PTPRM: variants seen among roughly 807,000 people sequenced by gnomAD.
PTPRM encodes the protein protein tyrosine phosphatase receptor type M.
A neutral mutation model predicts 186.7 loss-of-function variants in PTPRM; 47 were observed. The ratio of observed to expected loss-of-function variants is 0.25; its 90% confidence interval spans 0.20 to 0.32. The LOEUF (loss-of-function observed/expected upper bound fraction) is 0.32. Among genes scored for constraint, PTPRM ranks in the 10% least tolerant of loss-of-function variants. The probability of loss-of-function intolerance (pLI) is 1.00; values close to 1 mark genes in which losing one functional copy is unlikely to be tolerated. For synonymous variants in PTPRM, 668 were observed against 674.9 expected (o/e 0.99, Z 0.16); for missense variants, 1,494 against 1,865.0 (o/e 0.80, Z 3.66).
chr18:7,606,030 T>G (rs2037523602), intron 1 of PTPRM, among the ~76,000 whole-genome samples: 1 of 152,074 alleles, frequency 6.6e-6, no homozygotes. Context: ...AAGCAGCCAC[T>G]CCCTTTACTG....
At chr18:7,870,998 C>A (rs1317673091) in intron 2 of PTPRM, among the ~76,000 whole-genome samples, 1 of 152,156 alleles carries the variant, frequency 6.6e-6, no homozygotes, top group African/African-American at 2.4e-5. Flanking sequence ...CTTAAGGCAG[C>A]AATGCAGCTC....
rs1257367168 is a variant in PTPRM at position 8,126,012 on chromosome 18, TATATATATATATA to T, written c.2167+11186_2167+11198del. ...ATATATATATATATATATATATATA[TATATATATATATA>T]TATTTTAAATCAGTAGACCTTTCCA... On this transcript the variant is annotated intron_variant, in intron 13 of 32. Coordinates refer to ENST00000580170, the MANE Select transcript of PTPRM (RefSeq NM_001105244.2). Among the ~76,000 whole-genome samples the T allele has an allele frequency of 1.4e-3, 35 of 25,104 alleles. 3 individuals are homozygous for T. The highest frequency in any genetic ancestry group is 5.5e-3 in the South Asian group (4 of 726). The allele number at this position is 25,104 out of a possible 152,430, so 16.5% of individuals were successfully genotyped here.
chr18:8,298,129 A>C (rs886122200), intron 20 of PTPRM, among the ~76,000 whole-genome samples: 1 of 152,180 alleles, frequency 6.6e-6, no homozygotes, highest in African/African-American at 2.4e-5. Flanking sequence ...CCTGGTACAC[A>C]GTGTTCTAGA....
At chr18:8,066,165 A>G (rs555952096) in intron 7 of PTPRM, among the ~76,000 whole-genome samples, 1 of 152,360 alleles carries the variant, frequency 6.6e-6, no homozygotes, top group South Asian at 2.1e-4. Flanking sequence ...ACAAAGAAGC[A>G]TTGAAATCAG....
chr18:7,626,173 C>G (rs2038057433), intron 1 of PTPRM, among the ~76,000 whole-genome samples: 1 of 152,226 alleles, frequency 6.6e-6, no homozygotes, highest in African/African-American at 2.4e-5. Flanking sequence ...CTAAATTCTC[C>G]AAAGCAGGAC....
chr18:8,273,109 T>G (rs1376497329), intron 19 of PTPRM, among the ~76,000 whole-genome samples: 2 of 152,180 alleles, frequency 1.3e-5, no homozygotes, highest in Non-Finnish European at 2.9e-5. Flanking sequence ...ATAGCTAGAT[T>G]TTAGTATTTC....
Position 7,828,360 on chromosome 18 carries a change from T to C in PTPRM, c.196+54089T>C, listed in dbSNP as rs561312305. 2.5e-3 allele frequency among the ~76,000 whole-genome samples: 378 copies of C among 152,178 alleles called. 1 individual carries two copies. Among genetic ancestry groups the C allele is most frequent in the African/African-American group, 8.7e-3 (361 of 41,508 alleles). On this transcript the variant is annotated intron_variant, in intron 2 of 32. Transcript: ENST00000580170. The stretch of plus-strand genomic sequence containing the variant: ...ATGTTGGTGTGCTGCACCCATTAAC[T>C]CGTCATTTAACATTAGGTATGTCTC...
Position 8,387,154 on chromosome 18 carries a change from C to T in PTPRM, c.4127C>T (p.Ser1376Phe). The T allele has an allele frequency of 6.2e-7, 1 of 1,613,168 alleles. No homozygotes were observed. The highest frequency in any genetic ancestry group is 8.5e-7 in the Non-Finnish European group (1 of 1,179,106). Residue 1376 changes from serine to phenylalanine, a missense_variant, in exon 31 of 33, where the codon TCC becomes TTC. By Grantham distance (155) the Ser-to-Phe change is radical (BLOSUM62 -2). Around this residue, in one of 3 missense-constraint regions of PTPRM, gnomAD observed 1,107 missense variants for 1,350.2 expected, o/e 0.82. Transcript: ENST00000580170. The stretch of plus-strand genomic sequence containing the variant: ...AGGGACACACCAGTGTCTAAGCGCT[C>T]CTTCTTGAAGCTCATTCGCCAGGTG... ...MYRDTPVSKR[S>F]FLKLIRQVDK...
At chr18:7,682,427 A>C (rs2039500284) in intron 1 of PTPRM, among the ~76,000 whole-genome samples, 1 of 152,212 alleles carries the variant, frequency 6.6e-6, no homozygotes, top group Non-Finnish European at 1.5e-5. Flanking sequence ...AAAAGAATAA[A>C]GAAGAAAGCC....
chr18:7,688,245 G>T (rs2039653800), intron 1 of PTPRM, among the ~76,000 whole-genome samples: 1 of 152,114 alleles, frequency 6.6e-6, no homozygotes, highest in South Asian at 2.1e-4. Flanking sequence ...CGGAAATGGG[G>T]AGCAGGATTT....
At chr18:8,364,075 T>G (rs748720419) in intron 23 of PTPRM, among the ~76,000 whole-genome samples, 1 of 152,208 alleles carries the variant, frequency 6.6e-6, no homozygotes, top group Non-Finnish European at 1.5e-5. Context: ...TATCCAGACT[T>G]CCAGAAGCTC....
chr18:8,015,317 T>A (rs1448003557), intron 7 of PTPRM, among the ~76,000 whole-genome samples: 2 of 152,266 alleles, frequency 1.3e-5, no homozygotes, highest in African/African-American at 2.4e-5. Context: ...TAAATAAATA[T>A]AATATTTCTC....
chr18:8,315,990 G>A (rs2095306498), intron 21 of PTPRM, among the ~76,000 whole-genome samples: 1 of 152,060 alleles, frequency 6.6e-6, no homozygotes, highest in African/African-American at 2.4e-5. Flanking sequence ...TTCTTCATAA[G>A]GTGCATTGCA....
intron 20 of PTPRM, among the ~76,000 whole-genome samples, chr18:8,303,404 A>G (rs2147940919): frequency 6.6e-6 from 1 of 152,234 alleles, no homozygotes; most frequent in South Asian, 2.1e-4. Context: ...CTCACATTGA[A>G]GGCTTCACTT....
chr18:7,774,358 G>A (rs1166911286), intron 2 of PTPRM, 87 bp downstream of exon 2: 2 of 1,501,726 alleles, frequency 1.3e-6, no homozygotes, highest in Non-Finnish European at 1.8e-6. Flanking sequence ...GGTTAAATGA[G>A]TGACGGTGTT....
At chr18:8,125,675 C>G (rs1398042446) in intron 13 of PTPRM, among the ~76,000 whole-genome samples, 3 of 151,742 alleles carry the variant, frequency 2.0e-5, no homozygotes, top group African/African-American at 7.3e-5. Context: ...AGTGGAATGT[C>G]TGATTGGAAT....
chr18:7,663,245 A>G (rs1410792899), intron 1 of PTPRM, among the ~76,000 whole-genome samples: 1 of 152,160 alleles, frequency 6.6e-6, no homozygotes, highest in African/African-American at 2.4e-5. Context: ...ACACTTTCCA[A>G]CTGTTTACTG....
chr18:7,581,641 T>G (rs2036847924), intron 1 of PTPRM, among the ~76,000 whole-genome samples: 1 of 151,804 alleles, frequency 6.6e-6, no homozygotes, highest in Non-Finnish European at 1.5e-5. Flanking sequence ...CTTTTGTGTG[T>G]GCATGTTTCA....
chr18:8,213,725 A>G (rs2094038832), intron 14 of PTPRM, among the ~76,000 whole-genome samples: 2 of 152,170 alleles, frequency 1.3e-5, no homozygotes, highest in Non-Finnish European at 2.9e-5. Flanking sequence ...AAGTGGATCC[A>G]CCATTCGATC....
Sources: allele counts gnomAD v4.1 joint callset (sites outside exome capture counted in the v4.1 genomes callset), GRCh38; gene constraint gnomAD v4.1.1; regional missense constraint gnomAD v4.1.1; transcripts MANE v1.5; gene names NCBI Gene and HGNC (gene_info 2026-07-23, HGNC 2026-07-21).